The following DNAAF11 variants were observed in gnomAD, a reference collection of about 807,000 sequenced individuals.
DNAAF11 encodes the protein leucine rich repeat containing 6.
A neutral mutation model predicts 60.8 loss-of-function variants in DNAAF11; 45 were observed. That is an observed-to-expected ratio of 0.74 (90% CI 0.58 to 0.95). The LOEUF (loss-of-function observed/expected upper bound fraction) is 0.95. DNAAF11 is among the 40% of genes least tolerant of loss of function. The pLI is 0.00. For synonymous variants in DNAAF11, 191 were observed against 183.5 expected (o/e 1.04, Z -0.33); for missense variants, 546 against 546.2 (o/e 1.00, Z 0.00).
chr8:132,675,475 G>T lies in DNAAF11; in HGVS notation c.10+9C>A. 1 of 1,566,352 alleles carries T rather than the reference G, an allele frequency of 6.4e-7. No homozygotes were observed. Among genetic ancestry groups the T allele is most frequent in the Non-Finnish European group, 8.7e-7 (1 of 1,153,342 alleles). On this transcript the variant is annotated intron_variant, in intron 1 of 11. Coordinates refer to ENST00000620350, the MANE Select transcript of DNAAF11 (RefSeq NM_012472.6). ...AACGATCGAGGACGGAAGGTGGAGG[G>T]GGGCTTACTCCAGCCCATGGCGCCT... is the stretch of plus-strand genomic sequence containing the variant.
At chr8:132,603,450 C>G (rs1217433718) in intron 10 of DNAAF11, among the ~76,000 whole-genome samples, 1 of 151,854 alleles carries the variant, frequency 6.6e-6, no homozygotes, top group African/African-American at 2.4e-5. Context: ...GTATTGAAAG[C>G]CAAGTGAGCA....
chr8:132,646,948 T>C (rs1368289136), intron 3 of DNAAF11, among the ~76,000 whole-genome samples: 18 of 151,986 alleles, frequency 1.2e-4, no homozygotes, highest in Non-Finnish European at 2.6e-4. Context: ...GACAGAAAGT[T>C]AACAAGGATA....
intron 10 of DNAAF11, among the ~76,000 whole-genome samples, chr8:132,596,137 C>T (rs768289395): frequency 4.6e-5 from 7 of 152,094 alleles, no homozygotes; most frequent in Non-Finnish European, 1.0e-4. Context: ...AGCAAGATAG[C>T]AGGATAGGAA....
chr8:132,582,367 C>G (rs1815430346), intron 11 of DNAAF11, among the ~76,000 whole-genome samples: 2 of 152,196 alleles, frequency 1.3e-5, no homozygotes, highest in Non-Finnish European at 2.9e-5. Context: ...CTTGAATCCT[C>G]AAGTGTAATC....
At chr8:132,597,509 T>C (rs1322268364) in intron 10 of DNAAF11, among the ~76,000 whole-genome samples, 1 of 152,218 alleles carries the variant, frequency 6.6e-6, no homozygotes, top group East Asian at 1.9e-4. Context: ...ATATGTTTAT[T>C]TTGACAAGAA....
At chr8:132,622,553 G>T in intron 7 of DNAAF11, 58 bp downstream of exon 7, 2 of 1,263,080 alleles carry the variant, frequency 1.6e-6, no homozygotes, top group South Asian at 1.3e-5. Context: ...AACAATGATT[G>T]ACCAACACCA....
At chr8:132,696,971 G>A in the DNAAF11 span, among the ~76,000 whole-genome samples, 1 of 152,042 alleles carries the variant, frequency 6.6e-6, no homozygotes, top group South Asian at 2.1e-4. Context: ...AAAATAATCT[G>A]TACAACAAAG....
At chr8:132,614,844 T>C (rs1045463953) in intron 8 of DNAAF11, among the ~76,000 whole-genome samples, 194 bp downstream of exon 8, 1 of 152,216 alleles carries the variant, frequency 6.6e-6, no homozygotes, top group Non-Finnish European at 1.5e-5. Context: ...ATCCATGAAA[T>C]TGTGGCTTTA....
In DNAAF11 at chr8:132,593,590, T is replaced by C. The variant is rs149706445; in HGVS notation, c.1141-9811A>G. Among the ~76,000 whole-genome samples the C allele has an allele frequency of 5.8e-3, 874 of 151,406 alleles. 13 individuals are homozygous for C. Among genetic ancestry groups the C allele is most frequent in the African/African-American group, 0.02 (841 of 41,368 alleles). ...ATAAGCTGATTCCTAAATTTATATA[T>C]AAATACAAATAATAGACAAAATGAT... On this transcript the variant is annotated intron_variant, in intron 10 of 11. Transcript: ENST00000620350.
chr8:132,674,823 G>A (rs1825624363), intron 1 of DNAAF11, among the ~76,000 whole-genome samples: 1 of 152,240 alleles, frequency 6.6e-6, no homozygotes, highest in Non-Finnish European at 1.5e-5. Context: ...GGGAGGCGGA[G>A]GCTGCAGTGG....
At chr8:132,618,928 C>T (rs1306479514) in intron 7 of DNAAF11, among the ~76,000 whole-genome samples, 1 of 152,036 alleles carries the variant, frequency 6.6e-6, no homozygotes, top group Non-Finnish European at 1.5e-5. Context: ...TACCATGTGA[C>T]CCAGCCATCC....
chr8:132,657,515 A>C (rs559180961), intron 2 of DNAAF11, among the ~76,000 whole-genome samples: 1 of 152,168 alleles, frequency 6.6e-6, no homozygotes, highest in African/African-American at 2.4e-5. Context: ...CTGTAGACTT[A>C]AAGTTGGGTA....
intron 10 of DNAAF11, chr8:132,608,577 T>C (rs1489161059): frequency 2.5e-6 from 1 of 406,696 alleles, no homozygotes; most frequent in Non-Finnish European, 5.0e-6. Flanking sequence ...ACAAATCATC[T>C]GTCTTGATTT....
chr8:132,696,414 C>A, the DNAAF11 span, among the ~76,000 whole-genome samples: 4 of 152,010 alleles, frequency 2.6e-5, no homozygotes, highest in African/African-American at 4.8e-5. Context: ...ACAAATTGAC[C>A]ATATGACCCA....
intron 7 of DNAAF11, among the ~76,000 whole-genome samples, chr8:132,619,313 G>C (rs1216776070): frequency 6.6e-6 from 1 of 151,972 alleles, no homozygotes; most frequent in Non-Finnish European, 1.5e-5. Flanking sequence ...TGGGGGGATG[G>C]GGGAGGGATA....
At chr8:132,584,781 T>G (rs1815713241) in intron 10 of DNAAF11, among the ~76,000 whole-genome samples, 1 of 152,160 alleles carries the variant, frequency 6.6e-6, no homozygotes. Context: ...TCTGCCTGAC[T>G]TGGTGTGGTG....
At chr8:132,582,539 T>C (rs983112758) in intron 11 of DNAAF11, among the ~76,000 whole-genome samples, 1 of 152,196 alleles carries the variant, frequency 6.6e-6, no homozygotes, top group Admixed American at 6.5e-5. Context: ...ATAGACATAA[T>C]ACCCATGAAT....
chr8:132,641,613 C>T (rs1821863374), intron 3 of DNAAF11, among the ~76,000 whole-genome samples: 1 of 152,068 alleles, frequency 6.6e-6, no homozygotes, highest in South Asian at 2.1e-4. Flanking sequence ...GCAGATAAGT[C>T]AACAGGTAGA....
the DNAAF11 span, among the ~76,000 whole-genome samples, chr8:132,699,417 A>G: frequency 6.6e-6 from 1 of 152,134 alleles, no homozygotes; most frequent in African/African-American, 2.4e-5. Context: ...AGCAAGAGGA[A>G]ATGTAAGGTG....
Sources: allele counts gnomAD v4.1 joint callset (sites outside exome capture counted in the v4.1 genomes callset), GRCh38; gene constraint gnomAD v4.1.1; transcripts MANE v1.5; gene names NCBI Gene and HGNC (gene_info 2026-07-23, HGNC 2026-07-21).